MAT2B: variants seen among roughly 807,000 people sequenced by gnomAD.
MAT2B encodes the protein methionine adenosyltransferase 2 subunit beta.
In MAT2B, 16 loss-of-function variants were observed where a neutral mutation model predicts 36.1. That is an observed-to-expected ratio of 0.44 (90% CI 0.30 to 0.67). MAT2B has a LOEUF of 0.67. Among genes scored for constraint, MAT2B ranks in the 30% least tolerant of loss-of-function variants. The pLI, the probability that MAT2B is intolerant of heterozygous loss-of-function variation, is 0.09. For synonymous variants in MAT2B, 148 were observed against 136.9 expected (o/e 1.08, Z -0.57); for missense variants, 332 against 398.2 (o/e 0.83, Z 1.42).
rs1195582475 is a variant in MAT2B at position 163,519,271 on chromosome 5, A to G, written c.*908A>G. The G allele has an allele frequency of 1.3e-5, 2 of 152,090 alleles. No individual in the cohort carries two copies. The highest frequency in any genetic ancestry group is 2.9e-5 in the Non-Finnish European group (2 of 67,986). 9.4% of individuals were successfully genotyped at this position (152,090 alleles called of 1,614,324 possible). A position where few individuals can be genotyped will look rare whatever the true frequency, so the allele number is the denominator to read the frequency against. ...ATTCTTCTGATGTAACATGTGATAC[A>G]TACAAAAGAATATAGTTTAATATGT... On this transcript the variant is annotated 3_prime_UTR_variant, in exon 7 of 7. Coordinates refer to ENST00000321757, the MANE Select transcript of MAT2B (RefSeq NM_013283.5).
rs370041394 is a variant in MAT2B, at chr5:163,513,683, T to C, written c.373+14T>C. On this transcript the variant is annotated intron_variant, in intron 3 of 6. Coordinates refer to ENST00000321757, the MANE Select transcript of MAT2B (RefSeq NM_013283.5). ...CAAAGGAAGCAGGTAATGATGACTT[T>C]ATAAAATTTTCATAAAATATTAAGT... 7.3e-5 allele frequency: 116 copies of C among 1,592,744 alleles called. 1 individual carries two copies. Among genetic ancestry groups the C allele is most frequent in the Non-Finnish European group, 9.5e-5 (110 of 1,163,792 alleles).
intron 2 of MAT2B, chr5:163,512,632 CT>C (rs1163432318): frequency 2.3e-6 from 1 of 431,042 alleles, no homozygotes; most frequent in Non-Finnish European, 4.6e-6. Context: ...TAGCTCTTTC[CT>C]TTTGTCCAAA....
intron 1 of MAT2B, among the ~76,000 whole-genome samples, chr5:163,506,811 T>G (rs1306289735): frequency 1.3e-5 from 2 of 150,260 alleles, no homozygotes; most frequent in Admixed American, 6.7e-5. Flanking sequence ...AAAAAGAAGT[T>G]CAGTATAAAA....
At chr5:163,515,779 T>TTTTC (rs1760122788) in intron 4 of MAT2B, among the ~76,000 whole-genome samples, 2 of 132,392 alleles carry the variant, frequency 1.5e-5, no homozygotes, top group East Asian at 4.5e-4. Flanking sequence ...TCTTTTTTTT[T>TTTTC]TTTTTTTTTT....
chr5:163,513,805 T>C (rs748301386), intron 3 of MAT2B, 37 bp from the exon 4 acceptor site: 3 of 1,585,946 alleles, frequency 1.9e-6, no homozygotes, highest in South Asian at 2.3e-5. Flanking sequence ...AGTAATGTCA[T>C]GTAAACATTT....
rs897199826 is a variant in MAT2B at position 163,515,796 on chromosome 5, T to G, written c.527-722T>G. ...TTTTTTTTTTTTTTTTTTTTTTTTTTGAGACAGGGTCTCAGTCGCCTGGGC... is the reference window on the plus strand; with the variant it reads ...TTTTTTTTTTTTTTTTTTTTTTTTTGGAGACAGGGTCTCAGTCGCCTGGGC... On this transcript the variant is annotated intron_variant, in intron 4 of 6. Coordinates refer to ENST00000321757, the MANE Select transcript of MAT2B (RefSeq NM_013283.5). 1.6e-4 allele frequency among the ~76,000 whole-genome samples: 21 copies of G among 131,874 alleles called. No homozygotes were observed. In the East Asian group the frequency reaches 3.2e-3, roughly 20 times the overall value. 86.5% of individuals were successfully genotyped at this position (131,874 alleles called of 152,430 possible).
chr5:163,513,476 T>G (rs890240793), intron 2 of MAT2B, 79 bp from the exon 3 acceptor site: 6 of 750,468 alleles, frequency 8.0e-6, no homozygotes, highest in Admixed American at 2.3e-5. Context: ...CACATTTTTC[T>G]CTGAATTAAC....
chr5:163,518,816 T>A lies in MAT2B; in HGVS notation c.*453T>A, dbSNP rs1458090480. The A allele has an allele frequency of 6.5e-6, 1 of 152,830 alleles. No homozygotes were observed. The highest frequency in any genetic ancestry group is 1.5e-5 in the Non-Finnish European group (1 of 68,152). The allele number at this position is 152,830 out of a possible 1,614,324, so 9.5% of individuals were successfully genotyped here. On this transcript the variant is annotated 3_prime_UTR_variant, in exon 7 of 7. Transcript: ENST00000321757. Reference sequence around the variant, plus strand: ...TTTGCCTGAGCTCAGATCAAAATGTTTGAAGAAAGGAACTTTATTTTTGCA... The same window carrying A: ...TTTGCCTGAGCTCAGATCAAAATGTATGAAGAAAGGAACTTTATTTTTGCA...
At position 163,508,925 on chromosome 5, in the gene MAT2B, C is replaced by A. The variant is rs76525179; in HGVS notation, c.64-3077C>A. 3.3e-3 allele frequency among the ~76,000 whole-genome samples: 496 copies of A among 152,226 alleles called. 5 individuals carry two copies. The highest frequency in any genetic ancestry group is 0.011 in the African/African-American group (472 of 41,540). ...GAAAATTAACATGTTATAGGCCGGGCGTACTGGAGGCCTTACATAGTAACC... is the reference window on the plus strand; with the variant it reads ...GAAAATTAACATGTTATAGGCCGGGAGTACTGGAGGCCTTACATAGTAACC... On this transcript the variant is annotated intron_variant, in intron 1 of 6. Transcript: ENST00000321757.
chr5:163,510,379 G>A (rs1760017896), intron 1 of MAT2B, among the ~76,000 whole-genome samples: 1 of 140,500 alleles, frequency 7.1e-6, no homozygotes, highest in Admixed American at 7.0e-5. Context: ...TATCCTTTGC[G>A]TTTATTAGTT....
chr5:163,510,628 C>T (rs867105623), intron 1 of MAT2B, among the ~76,000 whole-genome samples: 24 of 152,016 alleles, frequency 1.6e-4, no homozygotes, highest in Non-Finnish European at 2.1e-4. Context: ...AACTCCTGAC[C>T]TCAGGTGATC....
At chr5:163,517,391 C>CT in intron 5 of MAT2B, 170 bp from the exon 6 acceptor site, 1 of 398,254 alleles carries the variant, frequency 2.5e-6, no homozygotes, top group Non-Finnish European at 4.6e-6. Flanking sequence ...AAGTGTTTTG[C>CT]TAAGAGTATT....
At chr5:163,505,847 G>C (rs1237642185) in intron 1 of MAT2B, 98 bp downstream of exon 1, 3 of 979,254 alleles carry the variant, frequency 3.1e-6, no homozygotes, top group Middle Eastern at 3.6e-4. Context: ...TTCCGCCCGG[G>C]TCAGAGCCTC....
rs1337092328 is a variant in MAT2B, at chr5:163,512,075, A to C, written c.137A>C (p.Lys46Thr). 2.5e-6 allele frequency: 4 copies of C among 1,614,070 alleles called. No homozygotes were observed. In the South Asian group the frequency reaches 4.4e-5, roughly 18 times the overall value. ...ATGLLGRAVH[K>T]EFQQNNWHAV... ...GGGCTTCTTGGCAGAGCTGTACACA[A>C]AGAATTTCAGCAGAATAATTGGCAT... The change falls in exon 2 of 7, where the codon AAA becomes ACA. Residue 46 changes from lysine (K) to threonine (T), a missense_variant. By Grantham distance (78) the Lys-to-Thr change is moderately conservative (BLOSUM62 -1). Coordinates refer to ENST00000321757, the MANE Select transcript of MAT2B (RefSeq NM_013283.5).
chr5:163,517,271 T>G (rs770070912), intron 5 of MAT2B: 23 of 221,196 alleles, frequency 1.0e-4, no homozygotes, highest in Non-Finnish European at 2.0e-4. Flanking sequence ...ATTGTACTGT[T>G]TTCATAAAAA....
chr5:163,510,059 G>A (rs1760014089), intron 1 of MAT2B, among the ~76,000 whole-genome samples: 1 of 152,094 alleles, frequency 6.6e-6, no homozygotes, highest in Non-Finnish European at 1.5e-5. Context: ...ATTTAATTGA[G>A]CTAAGGGCTT....
chr5:163,514,351 ATTTTGT>A (rs1299877526), intron 4 of MAT2B, among the ~76,000 whole-genome samples: 6 of 152,074 alleles, frequency 3.9e-5, no homozygotes, highest in African/African-American at 1.2e-4. Context: ...ATGTGTATGT[ATTTTGT>A]TTTTATGTAT....
At chr5:163,511,449 T>A (rs1359302693) in intron 1 of MAT2B, among the ~76,000 whole-genome samples, 1 of 141,238 alleles carries the variant, frequency 7.1e-6, no homozygotes, top group East Asian at 2.0e-4. Context: ...CTTTTTTTTT[T>A]TTTTTTTTTT....
At chr5:163,505,909 C>A (rs1359893575) in intron 1 of MAT2B, among the ~76,000 whole-genome samples, 160 bp downstream of exon 1, 3 of 151,622 alleles carry the variant, frequency 2.0e-5, no homozygotes, top group African/African-American at 7.3e-5. Context: ...CCGAGGGGGG[C>A]GCCACCGAGT....
Sources: allele counts gnomAD v4.1 joint callset (sites outside exome capture counted in the v4.1 genomes callset), GRCh38; gene constraint gnomAD v4.1.1; transcripts MANE v1.5; gene names NCBI Gene and HGNC (gene_info 2026-07-23, HGNC 2026-07-21).